The following PPM1B variants were observed in gnomAD, a reference collection of about 807,000 sequenced individuals.
The protein encoded by PPM1B is protein phosphatase 1B.
Under a neutral mutation model 43.0 loss-of-function variants are expected in PPM1B, and 22 were observed. The ratio of observed to expected loss-of-function variants is 0.51; its 90% CI spans 0.37 to 0.73. The LOEUF is 0.73. Among genes scored for constraint, PPM1B ranks in the 30% least tolerant of loss-of-function variants. The pLI, the probability that PPM1B is intolerant of heterozygous loss-of-function variation, is 0.00. For synonymous variants in PPM1B, 217 were observed against 197.9 expected (o/e 1.10, Z -0.81); for missense variants, 632 against 584.2 (o/e 1.08, Z -0.84).
At chr2:44,242,760 A>G (rs1670777455) in intron 5 of PPM1B, among the ~76,000 whole-genome samples, 2 of 142,038 alleles carry the variant, frequency 1.4e-5, no homozygotes, top group South Asian at 4.4e-4. Context: ...CACACATGTT[A>G]ATTGGCAGCA....
chr2:44,213,620 A>G (rs886878507), intron 3 of PPM1B: 6 of 152,122 alleles, frequency 3.9e-5, no homozygotes, highest in Non-Finnish European at 7.4e-5. Context: ...CTATCTAGCT[A>G]TGCACCCTAA....
intron 5 of PPM1B, 128 bp downstream of exon 5, chr2:44,218,665 T>G (rs1239282752): frequency 7.5e-6 from 5 of 666,038 alleles, no homozygotes; most frequent in Non-Finnish European, 1.2e-5. Context: ...TGCTTTTCAT[T>G]TTAAAGTGTC....
At chr2:44,185,054 T>C (rs1339746949) in intron 1 of PPM1B, among the ~76,000 whole-genome samples, 1 of 151,544 alleles carries the variant, frequency 6.6e-6, no homozygotes, top group Non-Finnish European at 1.5e-5. Context: ...TTTAATATTA[T>C]TGGGTTTTAT....
chr2:44,207,842 C>T (rs979749760), intron 2 of PPM1B, among the ~76,000 whole-genome samples: 5 of 149,356 alleles, frequency 3.3e-5, no homozygotes, highest in South Asian at 2.1e-4. Flanking sequence ...CGAGGCCTCC[C>T]GAAGTGCTGG....
intron 5 of PPM1B, among the ~76,000 whole-genome samples, chr2:44,223,814 T>TAAAAA (rs58530902): frequency 1.9e-4 from 7 of 36,058 alleles, no homozygotes; most frequent in East Asian, 9.6e-4. Flanking sequence ...GGACTCTGTC[T>TAAAAA]AAAAAAAAAA....
chr2:44,193,374 A>C (rs1355255792), intron 1 of PPM1B, among the ~76,000 whole-genome samples: 1 of 151,676 alleles, frequency 6.6e-6, no homozygotes, highest in Non-Finnish European at 1.5e-5. Context: ...TTCAAAAAGC[A>C]CTTTTCTTTC....
intron 1 of PPM1B, among the ~76,000 whole-genome samples, chr2:44,184,516 T>A (rs948344536): frequency 1.5e-4 from 23 of 152,218 alleles, no homozygotes; most frequent in Non-Finnish European, 2.9e-4. Context: ...GGAGATTTAA[T>A]TATCATATAA....
At chr2:44,221,449 A>G (rs562420381) in intron 5 of PPM1B, among the ~76,000 whole-genome samples, 54 of 152,318 alleles carry the variant, frequency 3.5e-4, no homozygotes, top group African/African-American at 1.3e-3. Context: ...GCTAGCCGCA[A>G]AGGTGCTCCA....
chr2:44,240,464 T>C (rs1397592772), intron 5 of PPM1B, among the ~76,000 whole-genome samples: 1 of 145,900 alleles, frequency 6.9e-6, no homozygotes, highest in African/African-American at 2.5e-5. Flanking sequence ...TTTTTTTCCC[T>C]TTTTCTTTTT....
intron 1 of PPM1B, among the ~76,000 whole-genome samples, chr2:44,186,211 TAATG>T (rs1462570481): frequency 1.3e-5 from 2 of 152,078 alleles, no homozygotes; most frequent in Non-Finnish European, 2.9e-5. Flanking sequence ...TGTTTTATAA[TAATG>T]AAAGCCATTA....
At chr2:44,176,988 C>T (rs1167473811) in intron 1 of PPM1B, among the ~76,000 whole-genome samples, 3 of 152,134 alleles carry the variant, frequency 2.0e-5, no homozygotes, top group Non-Finnish European at 4.4e-5. Flanking sequence ...CCATGTTGGC[C>T]AAGCTGGTCT....
At chr2:44,207,827 C>G (rs1289714843) in intron 2 of PPM1B, among the ~76,000 whole-genome samples, 4 of 151,028 alleles carry the variant, frequency 2.6e-5, no homozygotes, top group African/African-American at 7.3e-5. Flanking sequence ...AAATAGTCTG[C>G]TCACCGAGGC....
intron 5 of PPM1B, among the ~76,000 whole-genome samples, chr2:44,243,840 A>G (rs932923891): frequency 1.3e-5 from 2 of 152,188 alleles, no homozygotes; most frequent in East Asian, 1.9e-4. Context: ...GAATTTTTCA[A>G]TAACTTGGCC....
intron 3 of PPM1B, among the ~76,000 whole-genome samples, chr2:44,213,113 T>TC (rs531637293): frequency 1.7e-4 from 25 of 150,822 alleles, no homozygotes; most frequent in Non-Finnish European, 2.8e-4. Flanking sequence ...CCTTTTTTTT[T>TC]TTTTTTTTCT....
intron 2 of PPM1B, among the ~76,000 whole-genome samples, chr2:44,207,075 T>A (rs1669226463): frequency 6.6e-6 from 1 of 152,212 alleles, no homozygotes; most frequent in East Asian, 1.9e-4. Context: ...AATGAAATAC[T>A]CAAGTTGGTT....
At chr2:44,238,414 G>C (rs1014470348), downstream of PPM1B, among the ~76,000 whole-genome samples, 1 of 152,000 alleles carries the variant, frequency 6.6e-6, no homozygotes, top group African/African-American at 2.4e-5. Flanking sequence ...GAAAGTTACT[G>C]GGTTCTGCTG....
chr2:44,215,035 T>C (rs766351403), intron 3 of PPM1B, among the ~76,000 whole-genome samples: 2 of 152,206 alleles, frequency 1.3e-5, no homozygotes, highest in African/African-American at 4.8e-5. Flanking sequence ...AATTTTCTTC[T>C]GCATAGTTAG....
At chr2:44,195,293 T>A (rs567949325) in intron 1 of PPM1B, among the ~76,000 whole-genome samples, 94 of 151,786 alleles carry the variant, frequency 6.2e-4, no homozygotes, top group South Asian at 1.0e-3. Flanking sequence ...AGCCTCAATC[T>A]CTTGGGCTCA....
intron 3 of PPM1B, chr2:44,209,570 A>C: frequency 2.7e-6 from 1 of 367,566 alleles, no homozygotes; most frequent in Non-Finnish European, 5.0e-6. Flanking sequence ...TCATGAGGTC[A>C]GATCGACACC....
Sources: allele counts gnomAD v4.1 joint callset (sites outside exome capture counted in the v4.1 genomes callset), GRCh38; gene constraint gnomAD v4.1.1; transcripts MANE v1.5; gene names NCBI Gene and HGNC (gene_info 2026-07-23, HGNC 2026-07-21).